The following SPIRE2 variants were observed in gnomAD, a reference collection of about 807,000 sequenced individuals.
The protein encoded by SPIRE2 is protein spire homolog 2.
A neutral mutation model predicts 80.7 loss-of-function variants in SPIRE2; 76 were observed. The ratio of observed to expected loss-of-function variants is 0.94; its 90% CI spans 0.78 to 1.14. The LOEUF is 1.14. Ranked by LOEUF, SPIRE2 falls within the 50% of genes most tolerant of loss-of-function variation. The probability of loss-of-function intolerance (pLI) is 0.00; values close to 1 mark genes in which losing one functional copy is unlikely to be tolerated. For synonymous variants in SPIRE2, 535 were observed against 432.6 expected, an observed-to-expected ratio of 1.24 and a Z score of -2.94; for missense variants, 1,196 against 1,015.3, an observed-to-expected ratio of 1.18 and a Z score of -2.42.
At chr16:89,839,693 T>C (rs899398441) in intron 1 of SPIRE2, among the ~76,000 whole-genome samples, 1 of 152,204 alleles carries the variant, frequency 6.6e-6, no homozygotes, top group African/African-American at 2.4e-5. Context: ...GGGCCCAATG[T>C]AGCCAAATGC....
chr16:89,857,913 C>T (rs774082932), intron 7 of SPIRE2, among the ~76,000 whole-genome samples: 48 of 119,280 alleles, frequency 4.0e-4, no homozygotes, highest in Non-Finnish European at 7.0e-4. Flanking sequence ...GACAGAGTCT[C>T]GCTCTGTTGT....
At chr16:89,865,750 C>T (rs764147874) in intron 12 of SPIRE2, among the ~76,000 whole-genome samples, 2 of 151,926 alleles carry the variant, frequency 1.3e-5, no homozygotes, top group Non-Finnish European at 2.9e-5. Flanking sequence ...TGGCAGATCA[C>T]GAGGTCGGGA....
At position 89,850,591 on chromosome 16, in the gene SPIRE2, G is replaced by A; in HGVS notation, c.576G>A (p.Val192=). ...PRGAQAHYQA[V]CRALFVETLE... Reference sequence around the variant, plus strand: ...GCGCACAGGCGCATTACCAGGCCGTGTGCCGCGCGCTCTTCGTGGAGACGC... The same window carrying A: ...GCGCACAGGCGCATTACCAGGCCGTATGCCGCGCGCTCTTCGTGGAGACGC... The change falls in exon 3 of 15, where the codon GTG becomes GTA. Residue 192 remains valine, a synonymous_variant. Transcript: ENST00000378247. 1 of 1,518,926 alleles carries A rather than the reference G, an allele frequency of 6.6e-7. No homozygotes were observed. Among genetic ancestry groups the A allele is most frequent in the Non-Finnish European group, 8.8e-7 (1 of 1,138,734 alleles). The allele number at this position is 1,518,926 out of a possible 1,614,324, so 94.1% of individuals were successfully genotyped here.
intron 12 of SPIRE2, among the ~76,000 whole-genome samples, chr16:89,866,139 A>AC (rs111245562): frequency 1 from 151,688 of 151,692 alleles, 75,842 homozygotes; most frequent in Middle Eastern, 1. Context: ...ACAGAGCAAG[A>AC]CCTGTCTGGG....
chr16:89,848,668 G>C (rs2041589092), intron 2 of SPIRE2, among the ~76,000 whole-genome samples: 1 of 149,654 alleles, frequency 6.7e-6, no homozygotes, highest in Non-Finnish European at 1.5e-5. Context: ...CGGCGTTTCT[G>C]CAGGACAGAT....
intron 1 of SPIRE2, among the ~76,000 whole-genome samples, chr16:89,838,730 T>C (rs573079652): frequency 2.0e-5 from 3 of 152,296 alleles, no homozygotes; most frequent in African/African-American, 7.2e-5. Context: ...CAGAGTGCAA[T>C]GAAGGGTGTC....
rs186127301 is a variant in SPIRE2, at chr16:89,850,175, C to T, written c.289-129C>T. ...CATCCGGTCCATGTCTTGCTTGTGC[C>T]TTGGTCTCTTGTGGACCGACAGCTG... is the stretch of plus-strand genomic sequence containing the variant. On this transcript the variant is annotated intron_variant, in intron 2 of 14. Coordinates refer to ENST00000378247, the MANE Select transcript of SPIRE2 (RefSeq NM_032451.2). 1.3e-4 allele frequency: 101 copies of T among 793,704 alleles called. No homozygotes were observed. The East Asian group carries it at 1.9e-3, about 15-fold the overall frequency. 49.2% of individuals were successfully genotyped at this position (793,704 alleles called of 1,614,324 possible). A position where few individuals can be genotyped will look rare whatever the true frequency, so the allele number is the denominator to read the frequency against.
chr16:89,841,381 C>T (rs2143790955), intron 1 of SPIRE2, among the ~76,000 whole-genome samples: 1 of 152,212 alleles, frequency 6.6e-6, no homozygotes, highest in South Asian at 2.1e-4. Context: ...GTCTGCTCTA[C>T]CCTGGAGAGA....
chr16:89,869,031 T>TAAAAAAAA (rs766356633), intron 13 of SPIRE2, among the ~76,000 whole-genome samples: 373 of 23,936 alleles, frequency 0.016, 54 homozygotes, highest in East Asian at 0.023. Flanking sequence ...ATCTGTGTCT[T>TAAAAAAAA]AAAAAAAAAA....
At chr16:89,836,833 GA>G (rs893097618) in intron 1 of SPIRE2, among the ~76,000 whole-genome samples, 1 of 148,948 alleles carries the variant, frequency 6.7e-6, no homozygotes, top group East Asian at 2.0e-4. Flanking sequence ...AAAAAAAAAA[GA>G]AAAAAAGAAA....
chr16:89,869,508 G>C (rs547292361), intron 13 of SPIRE2, 59 bp from the exon 14 acceptor site: 4 of 1,194,654 alleles, frequency 3.3e-6, no homozygotes, highest in Non-Finnish European at 5.0e-6. Flanking sequence ...CCCTAGCACT[G>C]AGTGTACCTG....
chr16:89,829,108 T>G (rs116821963), intron 1 of SPIRE2, among the ~76,000 whole-genome samples: 2,099 of 152,296 alleles, frequency 0.014, 51 homozygotes, highest in African/African-American at 0.048. Context: ...GAGAGGGACT[T>G]GGGCCGGTGG....
rs55999134 is a variant in SPIRE2, at chr16:89,863,721, G to C, written c.1711-73G>C. On this transcript the variant is annotated intron_variant, in intron 11 of 14. Transcript: ENST00000378247. The surrounding 1 kb of genome is among the most constrained non-coding windows in gnomAD (Gnocchi z 4.3). Reference sequence around the variant, plus strand: ...TCATGATCTGGTTGGGAGCCCTGAGGGGGTAGCAGGGACAGGGCGGGACCC... The same window carrying C: ...TCATGATCTGGTTGGGAGCCCTGAGCGGGTAGCAGGGACAGGGCGGGACCC... 222,124 of 1,605,558 alleles carry C rather than the reference G, an allele frequency of 0.14. 26,672 individuals carry two copies. The highest frequency in any genetic ancestry group is 0.69 in the East Asian group (30,828 of 44,816).
rs771387914 is a variant in SPIRE2 at position 89,869,558 on chromosome 16, G to A, written c.1807-9G>A. The stretch of plus-strand genomic sequence containing the variant: ...TGCCTGGTTCATACCTCCTCCCTCT[G>A]TGCTGCAGATGAAGATGCCTTCTAA... On this transcript the variant is annotated splice_polypyrimidine_tract_variant and intron_variant, in intron 13 of 14. Transcript: ENST00000378247. 2 of 1,587,486 alleles carry A rather than the reference G, an allele frequency of 1.3e-6. No homozygotes were observed. Among genetic ancestry groups the A allele is most frequent in the African/African-American group, 1.3e-5 (1 of 74,516 alleles).
Position 89,828,854 on chromosome 16 carries a change from C to G in SPIRE2, c.244+60C>G, listed in dbSNP as rs972989537. ...CGGTCTGGGGCGTCCGTCCCGCCCC[C>G]TGGGTGGGGGTGGTCCCGGCGGAGA... On this transcript the variant is annotated intron_variant, in intron 1 of 14. Transcript: ENST00000378247. The surrounding 1 kb of genome is among the most constrained non-coding windows in gnomAD (Gnocchi z 5.9). 2.6e-6 allele frequency: 3 copies of G among 1,151,324 alleles called. No homozygotes were observed. The highest frequency in any genetic ancestry group is 4.3e-5 in the South Asian group (1 of 23,288). 71.3% of individuals were successfully genotyped at this position (1,151,324 alleles called of 1,614,324 possible). A position where few individuals can be genotyped will look rare whatever the true frequency, so the allele number is the denominator to read the frequency against.
At position 89,844,680 on chromosome 16, in the gene SPIRE2, C is replaced by T. The variant is rs1037659129; in HGVS notation, c.245-642C>T. On this transcript the variant is annotated intron_variant, in intron 1 of 14. Transcript: ENST00000378247. ...GCCCCGATCTCCTGACGTTGTGATC[C>T]GCCTGCCTCAGCCTCCCAAAGTGCC... Among the ~76,000 whole-genome samples the T allele has an allele frequency of 4.6e-5, 7 of 152,168 alleles. No individual in the cohort carries two copies. The South Asian group carries it at 6.2e-4, about 14-fold the overall frequency.
intron 1 of SPIRE2, among the ~76,000 whole-genome samples, chr16:89,832,361 C>T (rs1346851901): frequency 6.6e-6 from 1 of 152,254 alleles, no homozygotes; most frequent in Non-Finnish European, 1.5e-5. Flanking sequence ...TAGCAGTCTG[C>T]AAACGTGTGC....
chr16:89,845,488 G>GT (rs2041550037), intron 2 of SPIRE2, 123 bp downstream of exon 2: 1 of 888,928 alleles, frequency 1.1e-6, no homozygotes, highest in Non-Finnish European at 1.9e-6. Context: ...TGCAGATGAA[G>GT]TACCCAACAG....
rs1275212585 is a variant in SPIRE2 at position 89,863,620 on chromosome 16, C to T, written c.1710+10C>T. ...TCTGAAGAAGGGGAAGGTGAGGCTG[C>T]CTAGACGTGGGGCTACGCTCTTGCC... is the stretch of plus-strand genomic sequence containing the variant. On this transcript the variant is annotated intron_variant, in intron 11 of 14. Coordinates refer to ENST00000378247, the MANE Select transcript of SPIRE2 (RefSeq NM_032451.2). This position sits in a 1 kb window ranked among gnomAD's most constrained non-coding sequence, Gnocchi z 4.3. The T allele has an allele frequency of 4.3e-6, 7 of 1,613,926 alleles. No homozygotes were observed. Among genetic ancestry groups the T allele is most frequent in the Non-Finnish European group, 8.5e-7 (1 of 1,180,042 alleles).
Sources: gnomAD v4.1 joint callset for allele counts (sites outside exome capture counted in the v4.1 genomes callset) on GRCh38, gnomAD v4.1.1 for gene constraint, Gnocchi (gnomAD v3.1) non-coding constraint, MANE v1.5 for transcripts, NCBI Gene and HGNC (gene_info 2026-07-23, HGNC 2026-07-21) for gene names.